The following TMEM132B variants were observed in gnomAD, a reference collection of about 807,000 sequenced individuals.
TMEM132B encodes transmembrane protein 132B.
In TMEM132B, 18 loss-of-function variants were observed where a neutral mutation model predicts 90.8. The ratio of observed to expected loss-of-function variants is 0.20; its 90% confidence interval spans 0.14 to 0.29. The LOEUF is 0.29. TMEM132B is among the 10% of genes least tolerant of loss of function. The pLI is 1.00. For missense variants in TMEM132B, 1,096 were observed against 1,326.8 expected, an observed-to-expected ratio of 0.83 and a Z score of 2.70; for synonymous variants, 504 against 523.3, an observed-to-expected ratio of 0.96 and a Z score of 0.50.
chr12:125,260,193 G>A (rs1169260341), intron 1 of TMEM132B, among the ~76,000 whole-genome samples: 1 of 152,172 alleles, frequency 6.6e-6, no homozygotes, highest in Admixed American at 6.5e-5. Context: ...TTTGGTCAAC[G>A]TTTATGGAGC....
At chr12:125,553,092 A>ATTG (rs1884276907) in intron 4 of TMEM132B, among the ~76,000 whole-genome samples, 1 of 152,274 alleles carries the variant, frequency 6.6e-6, no homozygotes, top group African/African-American at 2.4e-5. Flanking sequence ...ATGGCAACAA[A>ATTG]GTGCCTTGTA....
At chr12:125,574,149 G>T (rs1223886539) in intron 4 of TMEM132B, among the ~76,000 whole-genome samples, 1 of 151,228 alleles carries the variant, frequency 6.6e-6, no homozygotes, top group Non-Finnish European at 1.5e-5. Context: ...CCCATAGGTG[G>T]AGTTACTGAG....
intron 2 of TMEM132B, among the ~76,000 whole-genome samples, chr12:125,410,689 TGAGTGGAGTGGAGTG>T (rs773077561): frequency 0.28 from 11 of 40 alleles, 3 homozygotes; most frequent in Non-Finnish European, 0.36. Flanking sequence ...TGGAGTGGAG[TGAGTGGAGTGGAGTG>T]GAGTGGAGTG....
At chr12:125,286,053 C>T (rs1428462135) in intron 1 of TMEM132B, among the ~76,000 whole-genome samples, 5 of 152,216 alleles carry the variant, frequency 3.3e-5, no homozygotes. Context: ...AATGAATCAT[C>T]CTCATATGTT....
chr12:125,472,435 G>C (rs2136501680), intron 3 of TMEM132B, among the ~76,000 whole-genome samples: 1 of 152,304 alleles, frequency 6.6e-6, no homozygotes, highest in South Asian at 2.1e-4. Context: ...GGAGCCACGG[G>C]TCTGACCTTA....
intron 1 of TMEM132B, among the ~76,000 whole-genome samples, chr12:125,315,815 T>C (rs1876253451): frequency 6.6e-6 from 1 of 152,116 alleles, no homozygotes; most frequent in Admixed American, 6.5e-5. Flanking sequence ...TGGCCAATTG[T>C]TGTAATGCAC....
chr12:125,312,781 C>G (rs1593079873), intron 1 of TMEM132B, among the ~76,000 whole-genome samples: 1 of 152,192 alleles, frequency 6.6e-6, no homozygotes, highest in Non-Finnish European at 1.5e-5. Context: ...ACAGTGGGCT[C>G]TGTATACTGT....
At chr12:125,264,238 A>G (rs1322039852) in intron 1 of TMEM132B, among the ~76,000 whole-genome samples, 1 of 152,094 alleles carries the variant, frequency 6.6e-6, no homozygotes, top group Non-Finnish European at 1.5e-5. Context: ...CCTCCCTCTG[A>G]TAAGTGCCTA....
At chr12:125,326,606 C>A (rs763324969) in intron 1 of TMEM132B, 77 of 1,603,130 alleles carry the variant, frequency 4.8e-5, no homozygotes, top group Non-Finnish European at 5.2e-5. Context: ...CTCGCCTCAG[C>A]TCCAGACTCT....
chr12:125,515,864 TCA>T (rs1381886096), intron 3 of TMEM132B, among the ~76,000 whole-genome samples: 1 of 151,472 alleles, frequency 6.6e-6, no homozygotes, highest in Non-Finnish European at 1.5e-5. Flanking sequence ...ATTCTCCCTG[TCA>T]CACACACTCA....
rs756227150 is a variant in TMEM132B at position 125,349,432 on chromosome 12, T to C, written c.68-20T>C. 6 of 1,579,924 alleles carry C rather than the reference T, an allele frequency of 3.8e-6. No homozygotes were observed. Among genetic ancestry groups the C allele is most frequent in the Non-Finnish European group, 5.2e-6 (6 of 1,163,918 alleles). On this transcript the variant is annotated intron_variant, in intron 1 of 8. Transcript: ENST00000682704. The surrounding 1 kb of genome is among the most constrained non-coding windows in gnomAD (Gnocchi z 4.1). Reference sequence around the variant, plus strand: ...ATCTCAGAACACGGTTTTATTCTTTTGCTTTCCTTTCTTGTGCAGTGACAG... The same window carrying C: ...ATCTCAGAACACGGTTTTATTCTTTCGCTTTCCTTTCTTGTGCAGTGACAG...
chr12:125,229,222 C>A (rs1170226299), intron 1 of TMEM132B, among the ~76,000 whole-genome samples: 1 of 152,178 alleles, frequency 6.6e-6, no homozygotes, highest in African/African-American at 2.4e-5. Flanking sequence ...CAGCCAAATG[C>A]GTGCTGATGG....
intron 6 of TMEM132B, among the ~76,000 whole-genome samples, chr12:125,649,948 A>G (rs1429238559): frequency 6.6e-6 from 1 of 152,172 alleles, no homozygotes; most frequent in African/African-American, 2.4e-5. Flanking sequence ...GACACATTTC[A>G]GATGTTTTAG....
chr12:125,241,360 T>C (rs982096084), intron 1 of TMEM132B, among the ~76,000 whole-genome samples: 3 of 152,206 alleles, frequency 2.0e-5, no homozygotes, highest in Non-Finnish European at 2.9e-5. Context: ...CAGGTCCTGC[T>C]GACACACATA....
At chr12:125,568,848 A>G (rs1002120534) in intron 4 of TMEM132B, among the ~76,000 whole-genome samples, 2 of 152,304 alleles carry the variant, frequency 1.3e-5, no homozygotes, top group South Asian at 2.1e-4. Flanking sequence ...AAAATTTACT[A>G]TGACGTGGTA....
At chr12:125,485,440 A>G (rs751467060) in intron 3 of TMEM132B, among the ~76,000 whole-genome samples, 2 of 152,126 alleles carry the variant, frequency 1.3e-5, no homozygotes, top group Non-Finnish European at 2.9e-5. Flanking sequence ...TATCACCACT[A>G]TTAGAAATAT....
intron 1 of TMEM132B, among the ~76,000 whole-genome samples, chr12:125,243,032 T>TATATATATATACACACAC (rs1215676534): frequency 7.4e-6 from 1 of 135,008 alleles, no homozygotes; most frequent in African/African-American, 2.8e-5. Flanking sequence ...TATATATATA[T>TATATATATATACACACAC]ACACACACAC....
intron 2 of TMEM132B, among the ~76,000 whole-genome samples, chr12:125,367,204 A>G (rs1878160555): frequency 6.6e-6 from 1 of 152,132 alleles, no homozygotes; most frequent in Non-Finnish European, 1.5e-5. Context: ...AATGGGTCTC[A>G]TTTTTAAAAA....
chr12:125,291,178 C>T (rs1434671633), intron 1 of TMEM132B, among the ~76,000 whole-genome samples: 2 of 152,158 alleles, frequency 1.3e-5, no homozygotes, highest in Admixed American at 1.3e-4. Context: ...CTCTCTCTGC[C>T]ATGTGAGGAC....
Sources: gnomAD v4.1 joint callset for allele counts (sites outside exome capture counted in the v4.1 genomes callset) on GRCh38, gnomAD v4.1.1 for gene constraint, Gnocchi (gnomAD v3.1) non-coding constraint, MANE v1.5 for transcripts, NCBI Gene and HGNC (gene_info 2026-07-23, HGNC 2026-07-21) for gene names.